FOXO3: variants seen among roughly 807,000 people sequenced by gnomAD.
FOXO3 encodes the protein forkhead box protein O3.
A neutral mutation model predicts 41.9 loss-of-function variants in FOXO3; 4 were observed. That is an observed-to-expected ratio of 0.10 (90% confidence interval 0.05 to 0.22). The LOEUF is 0.22. FOXO3 is among the 10% of genes least tolerant of loss of function. FOXO3 has a pLI of 1.00. For missense variants in FOXO3, 534 were observed against 906.8 expected (o/e 0.59, Z 5.28); for synonymous variants, 318 against 389.3 (o/e 0.82, Z 2.16).
chr6:108,652,016 C>A (rs1354545965), intron 1 of FOXO3, among the ~76,000 whole-genome samples: 1 of 152,182 alleles, frequency 6.6e-6, no homozygotes, highest in Non-Finnish European at 1.5e-5. Context: ...AAGGGCCAGG[C>A]ACTAGCAGAC....
intron 1 of FOXO3, among the ~76,000 whole-genome samples, chr6:108,650,810 T>C (rs1234414360): frequency 1.3e-5 from 2 of 152,222 alleles, no homozygotes; most frequent in Non-Finnish European, 2.9e-5. Flanking sequence ...TTACTGGAAA[T>C]GTCCTTTCTT....
At chr6:108,612,819 T>G (rs1365434877) in intron 1 of FOXO3, among the ~76,000 whole-genome samples, 4 of 152,244 alleles carry the variant, frequency 2.6e-5, no homozygotes, top group African/African-American at 9.6e-5. Flanking sequence ...CAGAGATCCT[T>G]ACCATTTTTC....
At chr6:108,629,696 TTAAG>T (rs757581216) in intron 1 of FOXO3, among the ~76,000 whole-genome samples, 1 of 152,126 alleles carries the variant, frequency 6.6e-6, no homozygotes, top group East Asian at 1.9e-4. Context: ...ACAGGAGATA[TTAAG>T]TAAGAAAGGT....
chr6:108,654,990 C>T (rs1778646356), intron 1 of FOXO3, among the ~76,000 whole-genome samples: 1 of 152,110 alleles, frequency 6.6e-6, no homozygotes, highest in Non-Finnish European at 1.5e-5. Flanking sequence ...ATCTTAGTCC[C>T]AAAGTAGATA....
chr6:108,629,545 T>C (rs538975982), intron 1 of FOXO3, among the ~76,000 whole-genome samples: 2 of 152,216 alleles, frequency 1.3e-5, no homozygotes, highest in Non-Finnish European at 2.9e-5. Context: ...CAAAGGATGA[T>C]AATATTGTAA....
intron 1 of FOXO3, chr6:108,656,550 T>G (rs1778694527): frequency 1.0e-6 from 1 of 978,428 alleles, no homozygotes; most frequent in Non-Finnish European, 1.2e-6. Flanking sequence ...TAAGTTAACA[T>G]TTATGATGTC....
At chr6:108,677,417 C>G (rs181726622) in intron 2 of FOXO3, among the ~76,000 whole-genome samples, 59 of 152,318 alleles carry the variant, frequency 3.9e-4, no homozygotes, top group East Asian at 9.6e-4. Flanking sequence ...TGGGTGTCCT[C>G]TGTCCTCTTT....
intron 1 of FOXO3, chr6:108,617,938 C>A: frequency 2.2e-6 from 1 of 456,790 alleles, no homozygotes. Context: ...CAGTTTTCTA[C>A]TTGAGAAGGT....
chr6:108,586,479 C>G (rs141739858), intron 1 of FOXO3, among the ~76,000 whole-genome samples: 4 of 152,232 alleles, frequency 2.6e-5, no homozygotes, highest in Non-Finnish European at 2.9e-5. Flanking sequence ...CTATGTTCAT[C>G]TATCTGGCCT....
At chr6:108,674,444 T>C (rs942832892) in intron 2 of FOXO3, among the ~76,000 whole-genome samples, 2 of 152,204 alleles carry the variant, frequency 1.3e-5, no homozygotes, top group African/African-American at 4.8e-5. Context: ...GCTCTTAAAG[T>C]AGTAGGTGCT....
At chr6:108,574,603 G>A (rs1438656514) in intron 1 of FOXO3, among the ~76,000 whole-genome samples, 9 of 152,256 alleles carry the variant, frequency 5.9e-5, no homozygotes, top group Non-Finnish European at 1.0e-4. Flanking sequence ...AGTTACTGAC[G>A]GGTTTAAGAG....
chr6:108,595,052 C>T (rs973071680), intron 1 of FOXO3, among the ~76,000 whole-genome samples: 10 of 152,138 alleles, frequency 6.6e-5, no homozygotes, highest in African/African-American at 1.9e-4. Flanking sequence ...TTCAGTTTAT[C>T]CTCCTAATAT....
At chr6:108,605,083 C>T (rs1024542413) in intron 1 of FOXO3, among the ~76,000 whole-genome samples, 4 of 152,160 alleles carry the variant, frequency 2.6e-5, no homozygotes, top group African/African-American at 9.7e-5. Flanking sequence ...CATAGTCACA[C>T]TCTTTATCAT....
At chr6:108,620,694 TTA>T (rs1777642547) in intron 1 of FOXO3, among the ~76,000 whole-genome samples, 1 of 152,238 alleles carries the variant, frequency 6.6e-6, no homozygotes, top group Non-Finnish European at 1.5e-5. Flanking sequence ...TTTCTTTCTC[TTA>T]GTCAATAGCT....
chr6:108,588,706 A>G (rs1178821934), intron 1 of FOXO3, among the ~76,000 whole-genome samples: 2 of 152,184 alleles, frequency 1.3e-5, no homozygotes, highest in African/African-American at 2.4e-5. Context: ...CTGGGAAACA[A>G]TGGGCTGGGC....
chr6:108,572,222 G>A (rs944881319), intron 1 of FOXO3, among the ~76,000 whole-genome samples: 8 of 152,188 alleles, frequency 5.3e-5, no homozygotes, highest in Non-Finnish European at 1.2e-4. Flanking sequence ...TTGAGGGGAG[G>A]GGAGGGAGAA....
chr6:108,606,319 A>AC (rs1272517318), intron 1 of FOXO3, among the ~76,000 whole-genome samples: 2 of 151,986 alleles, frequency 1.3e-5, no homozygotes, highest in Non-Finnish European at 2.9e-5. Flanking sequence ...CCCTTTGTTC[A>AC]CCCCATAGAC....
intron 1 of FOXO3, among the ~76,000 whole-genome samples, chr6:108,585,524 G>A (rs961460884): frequency 6.6e-6 from 1 of 152,214 alleles, no homozygotes; most frequent in African/African-American, 2.4e-5. Flanking sequence ...TGAGATTGGA[G>A]CCCAAGTTGG....
intron 1 of FOXO3, among the ~76,000 whole-genome samples, chr6:108,622,318 C>T (rs575846375): frequency 3.4e-5 from 5 of 148,350 alleles, no homozygotes; most frequent in African/African-American, 1.2e-4. Flanking sequence ...TCTTGGAGAG[C>T]TGGAGGGTCA....
Sources: gnomAD v4.1 joint callset for allele counts (sites outside exome capture counted in the v4.1 genomes callset) on GRCh38, gnomAD v4.1.1 for gene constraint, MANE v1.5 for transcripts, NCBI Gene and HGNC (gene_info 2026-07-23, HGNC 2026-07-21) for gene names.